Variants in TIMP2 observed in about 807,000 individuals in gnomAD.
TIMP2 encodes metalloproteinase inhibitor 2.
TIMP2 carries 5 observed loss-of-function variants against 24.3 expected under a neutral mutation model. That is an observed-to-expected ratio of 0.21 (90% confidence interval 0.11 to 0.43). TIMP2 has a LOEUF of 0.43. TIMP2 is among the 20% of genes least tolerant of loss of function. The pLI is 1.00. For synonymous variants in TIMP2, 130 were observed against 123.2 expected (o/e 1.06, Z -0.37); for missense variants, 221 against 297.5 (o/e 0.74, Z 1.89).
intron 1 of TIMP2, among the ~76,000 whole-genome samples, chr17:78,921,177 G>A (rs1213852456): frequency 1.3e-5 from 2 of 152,182 alleles, no homozygotes; most frequent in African/African-American, 4.8e-5. Context: ...GTGTTTTCTG[G>A]GGTGGCCCCT....
intron 1 of TIMP2, among the ~76,000 whole-genome samples, chr17:78,918,415 C>T (rs1047692956): frequency 1.6e-4 from 25 of 152,174 alleles, no homozygotes; most frequent in African/African-American, 7.2e-5. Flanking sequence ...GGCACCAGGG[C>T]GTCAGGGCAC....
intron 1 of TIMP2, among the ~76,000 whole-genome samples, chr17:78,900,703 T>C (rs2070077697): frequency 1.3e-5 from 2 of 151,972 alleles, no homozygotes; most frequent in African/African-American, 4.8e-5. Context: ...AGGTGGAAAA[T>C]TGTTGCTAGA....
chr17:78,910,207 T>C (rs578262182), intron 1 of TIMP2, among the ~76,000 whole-genome samples: 63 of 151,950 alleles, frequency 4.1e-4, no homozygotes, highest in South Asian at 1.9e-3. Context: ...TTTTTTTTTT[T>C]TGAGACACGG....
rs773138627 is a variant in TIMP2, at chr17:78,853,378, T to C, written c.*2289A>G. On this transcript the variant is annotated 3_prime_UTR_variant, in exon 5 of 5. Transcript: ENST00000262768. ...GAGCCTTCTTAAACTATATATATATTGCCACTATTTATTGTGAAGGTATTT... is the reference window on the plus strand; with the variant it reads ...GAGCCTTCTTAAACTATATATATATCGCCACTATTTATTGTGAAGGTATTT... 2.0e-5 allele frequency: 3 copies of C among 152,502 alleles called. No individual in the cohort carries two copies. Among genetic ancestry groups the C allele is most frequent in the Non-Finnish European group, 2.9e-5 (2 of 68,036 alleles). The allele number at this position is 152,502 out of a possible 1,614,324, so 9.4% of individuals were successfully genotyped here. A position where few individuals can be genotyped will look rare whatever the true frequency, so the allele number is the denominator to read the frequency against.
At chr17:78,857,793 G>C (rs1231868837) in intron 3 of TIMP2, 147 bp from the exon 4 acceptor site, 4 of 1,077,422 alleles carry the variant, frequency 3.7e-6, no homozygotes, top group Middle Eastern at 3.1e-4. Context: ...TGGGTGGCCA[G>C]GCACGGTGGC....
At chr17:78,857,403 G>C (rs779354777) in intron 4 of TIMP2, 119 bp downstream of exon 4, 1 of 1,379,028 alleles carries the variant, frequency 7.3e-7, no homozygotes, top group South Asian at 1.3e-5. Flanking sequence ...CCCAGAGCCT[G>C]GTCTTAGATC....
chr17:78,861,618 T>C (rs979098935), intron 3 of TIMP2, among the ~76,000 whole-genome samples: 1 of 151,892 alleles, frequency 6.6e-6, no homozygotes, highest in African/African-American at 2.4e-5. Flanking sequence ...TTTTTTTTTT[T>C]TGGAGACGGA....
rs189807801 is a variant in TIMP2 at position 78,858,698 on chromosome 17, T to A, written c.341-1052A>T. The stretch of plus-strand genomic sequence containing the variant: ...ACTACACCCTGCTAATTTTTTATAT[T>A]TTTTTTTGTAGAAACAGGGTCTTGC... On this transcript the variant is annotated intron_variant, in intron 3 of 4. Coordinates refer to ENST00000262768, the MANE Select transcript of TIMP2 (RefSeq NM_003255.5). Among the ~76,000 whole-genome samples the A allele has an allele frequency of 3.2e-3, 479 of 151,838 alleles. 1 individual carries two copies. The highest frequency in any genetic ancestry group is 0.01 in the African/African-American group (434 of 41,454).
intron 1 of TIMP2, among the ~76,000 whole-genome samples, chr17:78,911,406 CT>C (rs1473789923): frequency 2.3e-4 from 35 of 151,816 alleles, no homozygotes; most frequent in Non-Finnish European, 4.4e-5. Flanking sequence ...TATTGAGCCC[CT>C]CCAGTGCTTT....
chr17:78,906,858 C>T (rs986978823), intron 1 of TIMP2, among the ~76,000 whole-genome samples: 3 of 152,140 alleles, frequency 2.0e-5, no homozygotes, highest in Admixed American at 6.5e-5. Flanking sequence ...GCTGGGATTA[C>T]AGGCGTGAGC....
At chr17:78,857,429 A>G (rs747020573) in intron 4 of TIMP2, 93 bp downstream of exon 4, 1 of 1,545,238 alleles carries the variant, frequency 6.5e-7, no homozygotes, top group Non-Finnish European at 8.9e-7. Flanking sequence ...CCGGGGATTA[A>G]CGGGTCCTGG....
At chr17:78,886,399 T>C (rs531632395) in intron 1 of TIMP2, among the ~76,000 whole-genome samples, 27 of 152,326 alleles carry the variant, frequency 1.8e-4, no homozygotes, top group Non-Finnish European at 4.4e-5. Context: ...GGCCCCATTG[T>C]GGCCATGGCT....
intron 1 of TIMP2, among the ~76,000 whole-genome samples, chr17:78,918,485 T>C (rs1223468863): frequency 1.3e-5 from 2 of 152,176 alleles, no homozygotes; most frequent in Admixed American, 6.5e-5. Flanking sequence ...AGCTTCATCC[T>C]GCCTGCCACT....
At chr17:78,877,337 G>A (rs924104696) in intron 1 of TIMP2, among the ~76,000 whole-genome samples, 7 of 152,192 alleles carry the variant, frequency 4.6e-5, no homozygotes, top group East Asian at 1.9e-4. Context: ...CCAGCACTTC[G>A]GGAGGCCGAG....
At chr17:78,902,126 G>C (rs900789558) in intron 1 of TIMP2, among the ~76,000 whole-genome samples, 1 of 152,176 alleles carries the variant, frequency 6.6e-6, no homozygotes, top group Non-Finnish European at 1.5e-5. Flanking sequence ...CACTGCACTG[G>C]GTTTTGGTTT....
chr17:78,873,450 G>A (rs527763794), intron 2 of TIMP2, among the ~76,000 whole-genome samples: 2 of 152,164 alleles, frequency 1.3e-5, no homozygotes, highest in East Asian at 1.9e-4. Flanking sequence ...ACAGGTGGGC[G>A]CTACCATGCC....
In TIMP2 at chr17:78,896,120, G is replaced by A. The variant is rs1000711683; in HGVS notation, c.131-22201C>T. Among the ~76,000 whole-genome samples the A allele has an allele frequency of 6.6e-5, 10 of 152,258 alleles. No individual in the cohort carries two copies. The highest frequency in any genetic ancestry group is 2.0e-4 in the Admixed American group (3 of 15,282). On this transcript the variant is annotated intron_variant, in intron 1 of 4. Transcript: ENST00000262768. The surrounding 1 kb of genome is among the most constrained non-coding windows in gnomAD (Gnocchi z 4.4). Reference sequence around the variant, plus strand: ...CTCCATCCTTCAGGAATCGATCCCCGCTCTGACACCATCAGATGCAACCTC... The same window carrying A: ...CTCCATCCTTCAGGAATCGATCCCCACTCTGACACCATCAGATGCAACCTC...
chr17:78,899,252 A>T (rs577335359), intron 1 of TIMP2: 1 of 153,056 alleles, frequency 6.5e-6, no homozygotes, highest in Admixed American at 6.5e-5. Flanking sequence ...CTCTCACCTG[A>T]GGCCCTTAAA....
chr17:78,899,643 T>C (rs969391211), intron 1 of TIMP2: 1 of 152,260 alleles, frequency 6.6e-6, no homozygotes, highest in Non-Finnish European at 1.5e-5. Flanking sequence ...CCTGGAACGC[T>C]GCACACCAGA....
Sources: allele counts gnomAD v4.1 joint callset (sites outside exome capture counted in the v4.1 genomes callset), GRCh38; gene constraint gnomAD v4.1.1; non-coding constraint Gnocchi (gnomAD v3.1); transcripts MANE v1.5; gene names NCBI Gene and HGNC (gene_info 2026-07-23, HGNC 2026-07-21).